ENTREP2: variants seen among roughly 807,000 people sequenced by gnomAD.
ENTREP2 encodes the protein endosomal transmembrane epsin interactor 2, also known as protein ENTREP2.
the ENTREP2 span, among the ~76,000 whole-genome samples, chr15:29,642,768 A>T: frequency 0.051 from 7,745 of 152,028 alleles, 623 homozygotes; most frequent in African/African-American, 0.17. Context: ...ACACGCCACG[A>T]CACACGGCTA....
At chr15:29,461,545 G>A in the ENTREP2 span, among the ~76,000 whole-genome samples, 4 of 152,118 alleles carry the variant, frequency 2.6e-5, no homozygotes, top group East Asian at 5.8e-4. Context: ...GCAGTGGTGC[G>A]ATCTTGGCTC....
At chr15:29,615,699 TTCCCCTGC>T in the ENTREP2 span, among the ~76,000 whole-genome samples, 1 of 152,178 alleles carries the variant, frequency 6.6e-6, no homozygotes, top group African/African-American at 2.4e-5. Flanking sequence ...ATTCCCTTTT[TTCCCCTGC>T]TCTTGGTTTT....
chr15:29,621,522 C>CAAAA, the ENTREP2 span, among the ~76,000 whole-genome samples: 1 of 15,636 alleles, frequency 6.4e-5, no homozygotes, highest in Admixed American at 1.1e-3. Flanking sequence ...GACTCTGTCT[C>CAAAA]AAAAAAAAAA....
At chr15:29,430,626 G>A in the ENTREP2 span, among the ~76,000 whole-genome samples, 11 of 151,952 alleles carry the variant, frequency 7.2e-5, no homozygotes, top group African/African-American at 2.4e-4. Flanking sequence ...CTCCCGCCTG[G>A]GCAACAGAGT....
the ENTREP2 span, among the ~76,000 whole-genome samples, chr15:29,395,317 G>A: frequency 1.3e-5 from 2 of 152,138 alleles, no homozygotes; most frequent in East Asian, 3.9e-4. Context: ...TATGAACACA[G>A]GTGTGCAAAT....
the ENTREP2 span, among the ~76,000 whole-genome samples, chr15:29,428,151 C>T: frequency 7.5e-3 from 1,140 of 152,256 alleles, 17 homozygotes; most frequent in African/African-American, 0.026. Flanking sequence ...AAGCCAAGTC[C>T]ACTTTCCACA....
chr15:29,568,201 A>G, the ENTREP2 span, among the ~76,000 whole-genome samples: 2 of 152,260 alleles, frequency 1.3e-5, 1 homozygote, highest in Non-Finnish European at 2.9e-5. Context: ...CAGCAAAGTA[A>G]GTTTGAAGAC....
the ENTREP2 span, among the ~76,000 whole-genome samples, chr15:29,477,013 C>T: frequency 6.6e-6 from 1 of 152,144 alleles, no homozygotes; most frequent in Non-Finnish European, 1.5e-5. Flanking sequence ...CTGGAAACTA[C>T]CCTAGTGCCA....
chr15:29,672,283 C>T, the ENTREP2 span, among the ~76,000 whole-genome samples: 518 of 152,164 alleles, frequency 3.4e-3, 3 homozygotes, highest in African/African-American at 0.012. Flanking sequence ...CCACCGCGCC[C>T]GGTTTACTAC....
At chr15:29,365,250 C>CTTTTTTTTTTTTTTTTTTTTTTTTT in the ENTREP2 span, among the ~76,000 whole-genome samples, 1 of 142,014 alleles carries the variant, frequency 7.0e-6, no homozygotes. Context: ...TAGCTCATTT[C>CTTTTTTTTTTTTTTTTTTTTTTTTT]TTTTTTTTTT....
chr15:29,259,669 C>A, the ENTREP2 span, among the ~76,000 whole-genome samples: 5 of 152,078 alleles, frequency 3.3e-5, no homozygotes, highest in African/African-American at 1.2e-4. Flanking sequence ...CCTGATTCTT[C>A]ATTCTTCCTT....
chr15:29,428,397 C>G, the ENTREP2 span, among the ~76,000 whole-genome samples: 2 of 151,900 alleles, frequency 1.3e-5, no homozygotes, highest in Non-Finnish European at 2.9e-5. Context: ...GGATTTTTAG[C>G]AGAGATGGGG....
chr15:29,448,678 A>G, the ENTREP2 span, among the ~76,000 whole-genome samples: 1 of 152,178 alleles, frequency 6.6e-6, no homozygotes, highest in East Asian at 1.9e-4. Context: ...TCAAATCAAT[A>G]ATAATACAGT....
the ENTREP2 span, among the ~76,000 whole-genome samples, chr15:29,487,070 T>G: frequency 6.6e-6 from 1 of 152,154 alleles, no homozygotes. Context: ...AGAAATGAGG[T>G]GATGGATATG....
chr15:29,575,577 T>C, the ENTREP2 span, among the ~76,000 whole-genome samples: 1 of 152,192 alleles, frequency 6.6e-6, no homozygotes, highest in Non-Finnish European at 1.5e-5. Flanking sequence ...ACTATCTCTA[T>C]TTGCAGGTGA....
the ENTREP2 span, among the ~76,000 whole-genome samples, chr15:29,656,022 T>TAAA: frequency 1.3e-3 from 134 of 100,302 alleles, no homozygotes; most frequent in African/African-American, 3.3e-3. Flanking sequence ...ACACTCCGTT[T>TAAA]AAAAAAAAAA....
the ENTREP2 span, among the ~76,000 whole-genome samples, chr15:29,406,665 A>G: frequency 6.6e-6 from 1 of 152,228 alleles, no homozygotes. Flanking sequence ...ATTGTTCTGT[A>G]GAGAAGCTGC....
the ENTREP2 span, among the ~76,000 whole-genome samples, chr15:29,319,207 G>A: frequency 9.8e-4 from 149 of 152,290 alleles, no homozygotes; most frequent in Middle Eastern, 3.4e-3. Flanking sequence ...TCAGATGAAC[G>A]GAAATCTGAA....
At chr15:29,289,021 G>A in the ENTREP2 span, among the ~76,000 whole-genome samples, 4 of 151,748 alleles carry the variant, frequency 2.6e-5, no homozygotes, top group African/African-American at 7.3e-5. Flanking sequence ...CCTGGGCAAC[G>A]TGGCAAAACC....
Sources: allele counts gnomAD v4.1 joint callset (sites outside exome capture counted in the v4.1 genomes callset), GRCh38; gene constraint gnomAD v4.1.1; transcripts MANE v1.5; gene names NCBI Gene and HGNC (gene_info 2026-07-23, HGNC 2026-07-21).